The following TENT4B variants were observed in gnomAD, a reference collection of about 807,000 sequenced individuals.
TENT4B encodes the protein PAP associated domain containing 5.
Under a neutral mutation model 75.0 loss-of-function variants are expected in TENT4B, and 10 were observed. The observed-to-expected ratio is 0.13, with a 90% CI of 0.08 to 0.23. The LOEUF is 0.23. Ranked by LOEUF, TENT4B falls within the 10% of genes least tolerant of loss-of-function variation. The probability of loss-of-function intolerance (pLI) is 1.00; values close to 1 mark genes in which losing one functional copy is unlikely to be tolerated. For missense variants in TENT4B, 579 were observed against 893.8 expected, an observed-to-expected ratio of 0.65 and a Z score of 4.49; for synonymous variants, 350 against 357.7, an observed-to-expected ratio of 0.98 and a Z score of 0.24.
At position 50,230,754 on chromosome 16, in the gene TENT4B, T is replaced by G; in HGVS notation, c.*1426T>G. ...GAGTGCAATGAGATGTATAATTCTG[T>G]TATCATTACCTGTTGAGTTTGAAAC... is the stretch of plus-strand genomic sequence containing the variant. On this transcript the variant is annotated 3_prime_UTR_variant, in exon 12 of 12. Coordinates refer to ENST00000561678, the MANE Select transcript of TENT4B (RefSeq NM_001365324.3). 2.0e-6 allele frequency: 2 copies of G among 985,850 alleles called. No individual in the cohort carries two copies. Among genetic ancestry groups the G allele is most frequent in the Non-Finnish European group, 2.4e-6 (2 of 829,916 alleles). 61.1% of individuals were successfully genotyped at this position (985,850 alleles called of 1,614,324 possible).
intron 1 of TENT4B, among the ~76,000 whole-genome samples, chr16:50,208,099 C>T (rs1185166528): frequency 1.3e-5 from 2 of 152,206 alleles, no homozygotes; most frequent in African/African-American, 4.8e-5. Flanking sequence ...CTGGCAGACC[C>T]GAGATTGGAT....
At chr16:50,156,345 AT>A (rs11346495) in intron 1 of TENT4B, among the ~76,000 whole-genome samples, 137,364 of 141,508 alleles carry the variant, frequency 0.97, 66,713 homozygotes, top group Middle Eastern at 1. Context: ...ATGTATTCTG[AT>A]TTTTTTTTTT....
rs141709199 is a variant in TENT4B, at chr16:50,197,780, C to T, written c.639-13543C>T. Reference sequence around the variant, plus strand: ...CAGCTCTGAATTTGCCTTATTTGAACACAAGTTGAGGTTTGTACAGTTGGC... The same window carrying T: ...CAGCTCTGAATTTGCCTTATTTGAATACAAGTTGAGGTTTGTACAGTTGGC... On this transcript the variant is annotated intron_variant, in intron 1 of 11. Transcript: ENST00000561678. Among the ~76,000 whole-genome samples the T allele has an allele frequency of 3.3e-5, 5 of 152,236 alleles. No individual in the cohort carries two copies. In the East Asian group the frequency reaches 9.6e-4, roughly 29 times the overall value.
At chr16:50,194,653 C>G (rs1186802609) in intron 1 of TENT4B, among the ~76,000 whole-genome samples, 1 of 151,752 alleles carries the variant, frequency 6.6e-6, no homozygotes, top group East Asian at 1.9e-4. Context: ...TGGGCTCAAG[C>G]GATACTTGCA....
rs143269068 is a variant in TENT4B, at chr16:50,233,502, CT to C, written c.*4184del. ...TGACTTCACACCCTTAGCGACTTTT[CT>C]TTTTTTTTTGGTCAAAGATAATGAG... On this transcript the variant is annotated 3_prime_UTR_variant, in exon 12 of 12. Transcript: ENST00000561678. The C allele has an allele frequency of 4.7e-4, 410 of 868,578 alleles. 1 individual carries two copies. The highest frequency in any genetic ancestry group is 1.5e-3 in the South Asian group (28 of 18,866). 53.8% of individuals were successfully genotyped at this position (868,578 alleles called of 1,614,324 possible). A position where few individuals can be genotyped will look rare whatever the true frequency, so the allele number is the denominator to read the frequency against.
chr16:50,181,558 G>A (rs187593874), intron 1 of TENT4B, among the ~76,000 whole-genome samples: 96 of 151,122 alleles, frequency 6.4e-4, no homozygotes, highest in African/African-American at 2.3e-3. Flanking sequence ...ACCTGCCTCG[G>A]CCTTCCAGAG....
At chr16:50,211,132 CATT>C (rs1196541580) in intron 1 of TENT4B, among the ~76,000 whole-genome samples, 188 bp from the exon 2 acceptor site, 1 of 152,130 alleles carries the variant, frequency 6.6e-6, no homozygotes, top group Non-Finnish European at 1.5e-5. Context: ...GGAAATTTCT[CATT>C]ATTTAATTAT....
rs1465804570 is a variant in TENT4B at position 50,232,750 on chromosome 16, T to C, written c.*3422T>C. 1 of 985,184 alleles carries C rather than the reference T, an allele frequency of 1.0e-6. No homozygotes were observed. The highest frequency in any genetic ancestry group is 1.2e-6 in the Non-Finnish European group (1 of 829,810). The allele number at this position is 985,184 out of a possible 1,614,324, so 61.0% of individuals were successfully genotyped here. ...AATCACCATTATTAGGTATTAGTGGTAGATGTTGCTGATACTTTTATTGGT... is the reference window on the plus strand; with the variant it reads ...AATCACCATTATTAGGTATTAGTGGCAGATGTTGCTGATACTTTTATTGGT... On this transcript the variant is annotated 3_prime_UTR_variant, in exon 12 of 12. Coordinates refer to ENST00000561678, the MANE Select transcript of TENT4B (RefSeq NM_001365324.3).
intron 1 of TENT4B, among the ~76,000 whole-genome samples, chr16:50,159,796 A>G (rs2037969611): frequency 6.6e-6 from 1 of 152,350 alleles, no homozygotes; most frequent in Non-Finnish European, 1.5e-5. Flanking sequence ...TAGGTTTTCT[A>G]TAGTGTAGAT....
At chr16:50,196,277 A>C (rs2030234493) in intron 1 of TENT4B, among the ~76,000 whole-genome samples, 1 of 152,194 alleles carries the variant, frequency 6.6e-6, no homozygotes, top group South Asian at 2.1e-4. Flanking sequence ...GCCCAATGGC[A>C]GTATTAGATG....
At chr16:50,228,603 A>G (rs2032157944) in intron 11 of TENT4B, among the ~76,000 whole-genome samples, 1 of 82,730 alleles carries the variant, frequency 1.2e-5, no homozygotes, top group South Asian at 4.9e-4. Flanking sequence ...ACCTGGGAAT[A>G]GGCCTCTTGG....
intron 1 of TENT4B, among the ~76,000 whole-genome samples, chr16:50,191,336 G>A (rs377353780): frequency 5.9e-5 from 9 of 152,046 alleles, no homozygotes; most frequent in African/African-American, 9.7e-5. Flanking sequence ...AGCAATGTAC[G>A]AGGGCTCTGA....
intron 1 of TENT4B, among the ~76,000 whole-genome samples, chr16:50,164,018 G>A (rs1348450893): frequency 2.0e-5 from 3 of 151,766 alleles, no homozygotes; most frequent in East Asian, 2.0e-4. Context: ...TTAGCCGGGC[G>A]TGGTGGCACG....
At chr16:50,196,472 G>C (rs2030250132) in intron 1 of TENT4B, among the ~76,000 whole-genome samples, 1 of 146,036 alleles carries the variant, frequency 6.8e-6, no homozygotes, top group Admixed American at 7.1e-5. Context: ...ACTTAGAGTA[G>C]CTTTTAGTTT....
Position 50,153,448 on chromosome 16 carries a change from C to T in TENT4B, c.-174C>T. ...GCGGGAGCGACGCCGCCGGCGCCGGCCGGGCTCCCTGCGCGACCGCGCCGC... is the reference window on the plus strand; with the variant it reads ...GCGGGAGCGACGCCGCCGGCGCCGGTCGGGCTCCCTGCGCGACCGCGCCGC... On this transcript the variant is annotated 5_prime_UTR_variant, in exon 1 of 12. Transcript: ENST00000561678. 1.1e-6 allele frequency: 1 copy of T among 911,138 alleles called. No individual in the cohort carries two copies. Among genetic ancestry groups the T allele is most frequent in the African/African-American group, 1.8e-5 (1 of 55,320 alleles). The allele number at this position is 911,138 out of a possible 1,614,324, so 56.4% of individuals were successfully genotyped here.
chr16:50,230,368 C>T lies in TENT4B; in HGVS notation c.*1040C>T. On this transcript the variant is annotated 3_prime_UTR_variant, in exon 12 of 12. Coordinates refer to ENST00000561678, the MANE Select transcript of TENT4B (RefSeq NM_001365324.3). Reference sequence around the variant, plus strand: ...TGTTGCAGTGAAACTTCGAGTTCCACAGACTTTGCATGCTGGCTTCTCTAA... The same window carrying T: ...TGTTGCAGTGAAACTTCGAGTTCCATAGACTTTGCATGCTGGCTTCTCTAA... The T allele has an allele frequency of 1.0e-6, 1 of 984,450 alleles. No homozygotes were observed. Among genetic ancestry groups the T allele is most frequent in the Non-Finnish European group, 1.2e-6 (1 of 829,716 alleles). The allele number at this position is 984,450 out of a possible 1,614,324, so 61.0% of individuals were successfully genotyped here.
In TENT4B at chr16:50,153,860, C is replaced by T. The variant is rs1484781332; in HGVS notation, c.239C>T (p.Pro80Leu). The T allele has an allele frequency of 7.1e-6, 10 of 1,413,740 alleles. No individual in the cohort carries two copies. Among genetic ancestry groups the T allele is most frequent in the African/African-American group, 1.5e-5 (1 of 66,580 alleles). The allele number at this position is 1,413,740 out of a possible 1,614,324, so 87.6% of individuals were successfully genotyped here. A position where few individuals can be genotyped will look rare whatever the true frequency, so the allele number is the denominator to read the frequency against. Residue 80 changes from proline (P) to leucine (L), a missense_variant, in exon 1 of 12, where the codon CCG becomes CTG. By Grantham distance (98) the Pro-to-Leu change is moderately conservative. Transcript: ENST00000561678. ...GCGGCCTCGGCCCCGGCCCCGGCCC[C>T]GGCCGGCATGTATCGCTCCGGGGAG... ...GGAASAPAPA[P>L]AGMYRSGERL...
intron 1 of TENT4B, among the ~76,000 whole-genome samples, chr16:50,205,524 G>A (rs1397541280): frequency 7.7e-6 from 1 of 129,498 alleles, no homozygotes; most frequent in African/African-American, 2.9e-5. Flanking sequence ...GGAACATTTT[G>A]TGTGTCTGCC....
rs1467107176 is a variant in TENT4B, at chr16:50,211,417, G to A, written c.733G>A (p.Val245Ile). 9 of 1,604,676 alleles carry A rather than the reference G, an allele frequency of 5.6e-6. No homozygotes were observed. Among genetic ancestry groups the A allele is most frequent in the Non-Finnish European group, 7.6e-6 (9 of 1,177,706 alleles). The change falls in exon 2 of 12, where the codon GTA becomes ATA. Residue 245 changes from valine (V) to isoleucine (I), a missense_variant. Physicochemically the swap from Val to Ile is conservative, Grantham distance 29. Around this residue, in one of 7 missense-constraint regions of TENT4B, gnomAD observed 18 missense variants for 23.9 expected, o/e 0.75. Transcript: ENST00000561678. ...RMEVVNRIES[V>I]IKELWPSADV... ...GGAGGTGGTGAACAGGATCGAGAGTGTAATTAAGGAGCTCTGGCCCAGCGC... is the reference window on the plus strand; with the variant it reads ...GGAGGTGGTGAACAGGATCGAGAGTATAATTAAGGAGCTCTGGCCCAGCGC...
Sources: allele counts gnomAD v4.1 joint callset (sites outside exome capture counted in the v4.1 genomes callset), GRCh38; gene constraint gnomAD v4.1.1; regional missense constraint gnomAD v4.1.1; transcripts MANE v1.5; gene names NCBI Gene and HGNC (gene_info 2026-07-23, HGNC 2026-07-21).